DRC3: variants seen among roughly 807,000 people sequenced by gnomAD.
DRC3 encodes the protein dynein regulatory complex subunit 3.
A neutral mutation model predicts 57.6 loss-of-function variants in DRC3; 45 were observed. That is an observed-to-expected ratio of 0.78 (90% CI 0.62 to 1.00). The LOEUF is 1.00. Among genes scored for constraint, DRC3 ranks in the 50% least tolerant of loss-of-function variants. The pLI, the probability that DRC3 is intolerant of heterozygous loss-of-function variation, is 0.00. For missense variants in DRC3, 655 were observed against 675.2 expected (o/e 0.97, Z 0.33); for synonymous variants, 257 against 272.3 (o/e 0.94, Z 0.55).
rs531494001 is a variant in DRC3 at position 17,987,793 on chromosome 17, A to G, written c.278-139A>G. On this transcript the variant is annotated intron_variant, in intron 4 of 13. Coordinates refer to ENST00000399187, the MANE Select transcript of DRC3 (RefSeq NM_031294.4). The stretch of plus-strand genomic sequence containing the variant: ...CTGGCTTCTAAAAAAATCACAAACT[A>G]TTAGACAGTGAGTCAAATTCTGGCC... 3.7e-5 allele frequency: 30 copies of G among 803,848 alleles called. No individual in the cohort carries two copies. In the East Asian group the frequency reaches 5.3e-4, roughly 14 times the overall value. The allele number at this position is 803,848 out of a possible 1,614,324, so 49.8% of individuals were successfully genotyped here.
intron 2 of DRC3, among the ~76,000 whole-genome samples, chr17:17,976,357 A>T (rs1270190065): frequency 6.6e-6 from 1 of 152,154 alleles, no homozygotes; most frequent in African/African-American, 2.4e-5. Context: ...GTGGTGTCTC[A>T]GTCAAATCCC....
chr17:18,006,253 T>A lies in DRC3; in HGVS notation c.1202T>A (p.Leu401Gln). Residue 401 changes from leucine to glutamine, a missense_variant and splice_region_variant, in exon 11 of 14, where the codon CTG becomes CAG. Coordinates refer to ENST00000399187, the MANE Select transcript of DRC3 (RefSeq NM_031294.4). ...CTGTTTATCGAAAATGTCCAAAGCC[T>A]ATATCCTTTCTGTGATGACCTTCCC... ...VGLFIENVQS[L>Q]MAQCRDLENH... is the part of the protein sequence containing the mutation. The A allele has an allele frequency of 6.2e-7, 1 of 1,607,942 alleles. No individual in the cohort carries two copies. Among genetic ancestry groups the A allele is most frequent in the Non-Finnish European group, 8.5e-7 (1 of 1,175,440 alleles).
chr17:18,015,983 A>G (rs1358088132), intron 12 of DRC3, 81 bp from the exon 13 acceptor site: 4 of 1,513,660 alleles, frequency 2.6e-6, no homozygotes, highest in Non-Finnish European at 3.6e-6. Flanking sequence ...GGACTTCCAA[A>G]TGCTCCTTCT....
chr17:18,002,942 T>G (rs1353093027), intron 9 of DRC3, among the ~76,000 whole-genome samples: 1 of 152,002 alleles, frequency 6.6e-6, no homozygotes, highest in Non-Finnish European at 1.5e-5. Flanking sequence ...GCATACAAAT[T>G]TTATTGAGTA....
intron 12 of DRC3, among the ~76,000 whole-genome samples, chr17:18,009,680 A>T (rs927418102): frequency 6.6e-6 from 1 of 152,214 alleles, no homozygotes; most frequent in Non-Finnish European, 1.5e-5. Flanking sequence ...TGTCTACTGT[A>T]TAGCAAGATG....
intron 4 of DRC3, among the ~76,000 whole-genome samples, chr17:17,987,580 G>A (rs1036280772): frequency 6.6e-6 from 1 of 152,132 alleles, no homozygotes; most frequent in African/African-American, 2.4e-5. Context: ...GTGAGGAAAG[G>A]GGACACTCCA....
chr17:18,016,584 C>A lies in DRC3; in HGVS notation c.1485C>A (p.Asn495Lys). The change falls in exon 14 of 14, where the codon AAC (asparagine) becomes AAA (lysine). Residue 495 changes from asparagine (N) to lysine (K), a missense_variant. By Grantham distance (94) the Asn-to-Lys change is moderately conservative. Coordinates refer to ENST00000399187, the MANE Select transcript of DRC3 (RefSeq NM_031294.4). ...DRIHKDEIMR[N>K]RKRVKEINQY... ...TTCACAAGGATGAGATCATGAGGAA[C>A]CGCAAGCGCGTGAAGGAGATCAATC... The A allele has an allele frequency of 6.2e-7, 1 of 1,613,760 alleles. No homozygotes were observed. The highest frequency in any genetic ancestry group is 8.5e-7 in the Non-Finnish European group (1 of 1,179,744).
chr17:18,003,947 G>A (rs1052255457), intron 9 of DRC3, among the ~76,000 whole-genome samples: 8 of 151,754 alleles, frequency 5.3e-5, no homozygotes, highest in Non-Finnish European at 8.8e-5. Context: ...CACTGCTCCC[G>A]GCCTTTAAGT....
At chr17:17,978,759 G>C (rs1285069434) in intron 3 of DRC3, among the ~76,000 whole-genome samples, 1 of 152,174 alleles carries the variant, frequency 6.6e-6, no homozygotes, top group Non-Finnish European at 1.5e-5. Context: ...CACAGAACAG[G>C]TGCGGCAGGA....
chr17:17,987,896 A>G (rs1597577306), intron 4 of DRC3, 36 bp from the exon 5 acceptor site: 2 of 1,606,774 alleles, frequency 1.2e-6, no homozygotes, highest in East Asian at 4.5e-5. Context: ...CCCCTGACCC[A>G]GGCAGCAGAC....
intron 12 of DRC3, chr17:18,007,783 T>C: frequency 9.2e-7 from 1 of 1,092,082 alleles, no homozygotes. Flanking sequence ...CAGACAGAGA[T>C]ACTATGTTGT....
intron 11 of DRC3, chr17:18,006,701 A>G: frequency 2.7e-6 from 1 of 371,376 alleles, no homozygotes; most frequent in Non-Finnish European, 5.1e-6. Context: ...CCTGGGGCTC[A>G]CAGTCCCTCA....
intron 10 of DRC3, 147 bp downstream of exon 10, chr17:18,004,641 C>T: frequency 2.5e-6 from 2 of 784,682 alleles, no homozygotes; most frequent in Non-Finnish European, 4.0e-6. Flanking sequence ...GCTCATCAGT[C>T]CTGTTTGCTT....
intron 5 of DRC3, among the ~76,000 whole-genome samples, chr17:17,992,185 G>A (rs1252173815): frequency 6.6e-6 from 1 of 152,146 alleles, no homozygotes; most frequent in African/African-American, 2.4e-5. Flanking sequence ...TGAGGCACGA[G>A]AATCACTTGA....
rs2044351866 is a variant in DRC3, at chr17:18,016,085, ATTG to A, written c.1351_1353del (p.Val451del). ...CCAGCTTTTTGTCGATAAAGATACG[ATTG>A]TTAATGCTGTCGGGGCATCGCACGA... is the stretch of plus-strand genomic sequence containing the variant. On this transcript the variant is annotated inframe_deletion, in exon 13 of 14. Coordinates refer to ENST00000399187, the MANE Select transcript of DRC3 (RefSeq NM_031294.4). 2.5e-6 allele frequency: 4 copies of A among 1,614,002 alleles called. No homozygotes were observed. Among genetic ancestry groups the A allele is most frequent in the Non-Finnish European group, 3.4e-6 (4 of 1,179,866 alleles).
At chr17:17,987,662 G>A (rs1478136054) in intron 4 of DRC3, among the ~76,000 whole-genome samples, 1 of 152,178 alleles carries the variant, frequency 6.6e-6, no homozygotes, top group Non-Finnish European at 1.5e-5. Flanking sequence ...CAGAACTATG[G>A]CAGAGCATAG....
At chr17:18,003,712 G>A (rs2043837743) in intron 9 of DRC3, among the ~76,000 whole-genome samples, 2 of 136,382 alleles carry the variant, frequency 1.5e-5, no homozygotes, top group African/African-American at 2.7e-5. Context: ...GCACAATCTC[G>A]GCTCACTGCA....
intron 12 of DRC3, among the ~76,000 whole-genome samples, chr17:18,012,525 T>C (rs1158276898): frequency 3.9e-5 from 6 of 151,938 alleles, no homozygotes; most frequent in Non-Finnish European, 7.4e-5. Flanking sequence ...CTATAAAAAA[T>C]ACAAAAATTA....
chr17:17,994,731 C>G (rs1288309191), intron 7 of DRC3, among the ~76,000 whole-genome samples: 1 of 152,206 alleles, frequency 6.6e-6, no homozygotes. Flanking sequence ...ATGCCAGGAA[C>G]GGCTCAGGTC....
Sources: allele counts gnomAD v4.1 joint callset (sites outside exome capture counted in the v4.1 genomes callset), GRCh38; gene constraint gnomAD v4.1.1; transcripts MANE v1.5; gene names NCBI Gene and HGNC (gene_info 2026-07-23, HGNC 2026-07-21).